MPRIP: variants seen among roughly 807,000 people sequenced by gnomAD.
MPRIP encodes myosin phosphatase Rho-interacting protein.
Under a neutral mutation model 234.9 loss-of-function variants are expected in MPRIP, and 59 were observed. The observed-to-expected ratio is 0.25, with a 90% CI of 0.20 to 0.31. MPRIP has a LOEUF of 0.31. MPRIP is among the 10% of genes least tolerant of loss of function. The pLI is 1.00. For missense variants in MPRIP, 2,436 were observed against 3,071.0 expected, an observed-to-expected ratio of 0.79 and a Z score of 4.89; for synonymous variants, 1,144 against 1,263.9, an observed-to-expected ratio of 0.91 and a Z score of 2.01.
intron 1 of MPRIP, among the ~76,000 whole-genome samples, chr17:17,066,272 T>C (rs906653658): frequency 2.0e-5 from 3 of 152,230 alleles, no homozygotes; most frequent in Non-Finnish European, 4.4e-5. Context: ...CTGGAGGTTA[T>C]TTAGAGATGC....
intron 3 of MPRIP, among the ~76,000 whole-genome samples, chr17:17,109,954 G>A (rs2090137764): frequency 6.6e-6 from 1 of 152,222 alleles, no homozygotes; most frequent in African/African-American, 2.4e-5. Context: ...TTATGGTGTA[G>A]TGTGGATGTT....
chr17:17,057,896 C>T, intron 1 of MPRIP: 1 of 567,896 alleles, frequency 1.8e-6, no homozygotes, highest in East Asian at 2.8e-5. Flanking sequence ...CAAAAGGATA[C>T]AAGCAGCATA....
rs1411190943 is a variant in MPRIP, at chr17:17,164,457, G to A, written c.2866G>A (p.Glu956Lys). The A allele has an allele frequency of 6.4e-6, 8 of 1,240,684 alleles. No homozygotes were observed. The highest frequency in any genetic ancestry group is 1.6e-5 in the African/African-American group (1 of 64,240). 76.9% of individuals were successfully genotyped at this position (1,240,684 alleles called of 1,614,324 possible). ...GCTGAGCAGCCAGCTGAGGGCTAGCGAGCAGAAGCTCAAGAGTGCTGAGGC... is the reference window on the plus strand; with the variant it reads ...GCTGAGCAGCCAGCTGAGGGCTAGCAAGCAGAAGCTCAAGAGTGCTGAGGC... ...AALSSQLRAS[E>K]QKLKSAEALL... Residue 956 changes from glutamate to lysine, a missense_variant, in exon 16 of 24, where the codon GAG (glutamate) becomes AAG (lysine). Glu to Lys is a moderately conservative substitution (Grantham distance 56, BLOSUM62 1). Coordinates refer to ENST00000651222, the MANE Select transcript of MPRIP (RefSeq NM_001364716.4).
chr17:17,137,826 G>A (rs896991589), intron 6 of MPRIP, 90 bp from the exon 7 acceptor site: 5 of 1,227,972 alleles, frequency 4.1e-6, no homozygotes, highest in African/African-American at 1.6e-5. Context: ...GCCCCTGCTT[G>A]GATCCTACAT....
chr17:17,182,421 C>G (rs1287725640), intron 23 of MPRIP: 1 of 152,152 alleles, frequency 6.6e-6, no homozygotes, highest in African/African-American at 2.4e-5. Flanking sequence ...TTAAGGGGCC[C>G]CCGTGTCTGT....
At chr17:17,143,824 G>A (rs535122257) in intron 9 of MPRIP, among the ~76,000 whole-genome samples, 155 bp downstream of exon 9, 1 of 152,138 alleles carries the variant, frequency 6.6e-6, no homozygotes, top group African/African-American at 2.4e-5. Context: ...CCCACAGGCC[G>A]TCGAACACAG....
intron 19 of MPRIP, 81 bp from the exon 20 acceptor site, chr17:17,175,212 G>A (rs2046228724): frequency 2.1e-5 from 34 of 1,602,848 alleles, no homozygotes; most frequent in South Asian, 7.7e-5. Context: ...AAGAACCTAG[G>A]GAAATGGCCT....
At position 17,085,943 on chromosome 17, in the gene MPRIP, C is replaced by T. The variant is rs77195551; in HGVS notation, c.267+7867C>T. Among the ~76,000 whole-genome samples, 144 of 152,250 alleles carry T rather than the reference C, an allele frequency of 9.5e-4. 1 individual carries two copies. In the East Asian group the frequency reaches 0.025, roughly 26 times the overall value. ...AAAAAGGAATACACACTGACCAGAC[C>T]GGACCAACCTCCTTCTCTGCGGAAT... On this transcript the variant is annotated intron_variant, in intron 3 of 23. Transcript: ENST00000651222.
intron 1 of MPRIP, among the ~76,000 whole-genome samples, chr17:17,045,228 G>T (rs1335279805): frequency 6.6e-6 from 1 of 152,188 alleles, no homozygotes; most frequent in African/African-American, 2.4e-5. Context: ...GGCCCAGGGA[G>T]GTGGTGGGCA....
rs2046607592 is a variant in MPRIP at position 17,192,425 on chromosome 17, T to G, written c.*7531T>G. On this transcript the variant is annotated 3_prime_UTR_variant, in exon 24 of 24. Coordinates refer to ENST00000651222, the MANE Select transcript of MPRIP (RefSeq NM_001364716.4). ...TGACCAGCTGAGCTGCTGCTTTTTTTTTGGGGGGGGGGGGGGGAGGGGCGT... is the reference window on the plus strand; with the variant it reads ...TGACCAGCTGAGCTGCTGCTTTTTTGTTGGGGGGGGGGGGGGGAGGGGCGT... The G allele has an allele frequency of 1.3e-4, 1 of 7,900 alleles. No homozygotes were observed. The highest frequency in any genetic ancestry group is 2.4e-4 in the Non-Finnish European group (1 of 4,098). 0.5% of individuals were successfully genotyped at this position (7,900 alleles called of 1,614,324 possible).
chr17:17,099,130 A>G (rs932122752), intron 3 of MPRIP, among the ~76,000 whole-genome samples: 1 of 152,158 alleles, frequency 6.6e-6, no homozygotes, highest in Non-Finnish European at 1.5e-5. Context: ...TAGCCATGTC[A>G]AAGGCACATA....
chr17:17,108,561 C>T lies in MPRIP; in HGVS notation c.268-18141C>T, dbSNP rs183432853. Among the ~76,000 whole-genome samples, 405 of 152,344 alleles carry T rather than the reference C, an allele frequency of 2.7e-3. 2 individuals carry two copies. The highest frequency in any genetic ancestry group is 6.8e-3 in the Middle Eastern group (2 of 294). ...AATCTTCCCAGGTGATTACATTATT[C>T]AGCAAAAGTTTGGAACCATTGCTTT... On this transcript the variant is annotated intron_variant, in intron 3 of 23. Coordinates refer to ENST00000651222, the MANE Select transcript of MPRIP (RefSeq NM_001364716.4).
Position 17,185,712 on chromosome 17 carries a change from C to T in MPRIP, c.*818C>T. 2.9e-6 allele frequency: 1 copy of T among 349,456 alleles called. No homozygotes were observed. The highest frequency in any genetic ancestry group is 2.2e-5 in the South Asian group (1 of 45,974). The allele number at this position is 349,456 out of a possible 1,614,324, so 21.6% of individuals were successfully genotyped here. A position where few individuals can be genotyped will look rare whatever the true frequency, so the allele number is the denominator to read the frequency against. On this transcript the variant is annotated 3_prime_UTR_variant, in exon 24 of 24. Transcript: ENST00000651222. The stretch of plus-strand genomic sequence containing the variant: ...TTGCAAAAAACAAATGAATTCCCCC[C>T]AGGAATCATTCAAAATGGGGGAAGG...
chr17:17,168,322 G>T, intron 16 of MPRIP: 1 of 262,030 alleles, frequency 3.8e-6, no homozygotes, highest in Non-Finnish European at 7.5e-6. Context: ...AGCTGCCTGA[G>T]GACAGCCTTG....
chr17:17,124,226 A>G (rs544172986), intron 3 of MPRIP, among the ~76,000 whole-genome samples: 2 of 152,302 alleles, frequency 1.3e-5, no homozygotes, highest in African/African-American at 4.8e-5. Context: ...TGCCCAAACA[A>G]TTACTGCGTA....
At chr17:17,070,584 C>T (rs920778977) in intron 1 of MPRIP, among the ~76,000 whole-genome samples, 9 of 152,176 alleles carry the variant, frequency 5.9e-5, no homozygotes, top group Admixed American at 2.6e-4. Context: ...CCGTATTTTT[C>T]AATTTCAGGA....
rs971322423 is a variant in MPRIP, at chr17:17,177,562, A to G, written c.7120+150A>G. On this transcript the variant is annotated intron_variant, in intron 22 of 23. Transcript: ENST00000651222. Reference sequence around the variant, plus strand: ...CCAGTGGAGCAGGAGCACCAGCTTCACACGGCTGCCCCAGACAGGCCTTGC... The same window carrying G: ...CCAGTGGAGCAGGAGCACCAGCTTCGCACGGCTGCCCCAGACAGGCCTTGC... The G allele has an allele frequency of 3.8e-5, 32 of 842,504 alleles. No individual in the cohort carries two copies. The African/African-American group carries it at 5.0e-4, about 13-fold the overall frequency. 52.2% of individuals were successfully genotyped at this position (842,504 alleles called of 1,614,324 possible).
At position 17,189,794 on chromosome 17, in the gene MPRIP, GAC is replaced by G. The variant is rs1430739822; in HGVS notation, c.*4904_*4905del. 3 of 152,338 alleles carry G rather than the reference GAC, an allele frequency of 2.0e-5. No homozygotes were observed. The highest frequency in any genetic ancestry group is 6.5e-5 in the Admixed American group (1 of 15,292). The allele number at this position is 152,338 out of a possible 1,614,324, so 9.4% of individuals were successfully genotyped here. A position where few individuals can be genotyped will look rare whatever the true frequency, so the allele number is the denominator to read the frequency against. ...GGTCCCTGTTGGAGCACTAAGAGGTGACACAGGCCAGAGACAACGTTTCGTTT... is the reference window on the plus strand; with the variant it reads ...GGTCCCTGTTGGAGCACTAAGAGGTGACAGGCCAGAGACAACGTTTCGTTT... On this transcript the variant is annotated 3_prime_UTR_variant, in exon 24 of 24. Coordinates refer to ENST00000651222, the MANE Select transcript of MPRIP (RefSeq NM_001364716.4).
At chr17:17,176,222 C>T (rs886431416) in intron 20 of MPRIP, among the ~76,000 whole-genome samples, 29 of 152,142 alleles carry the variant, frequency 1.9e-4, no homozygotes, top group African/African-American at 6.5e-4. Flanking sequence ...GGAGGAATCA[C>T]GGCCATTTCC....
Sources: allele counts gnomAD v4.1 joint callset (sites outside exome capture counted in the v4.1 genomes callset), GRCh38; gene constraint gnomAD v4.1.1; transcripts MANE v1.5; gene names NCBI Gene and HGNC (gene_info 2026-07-23, HGNC 2026-07-21).